The following ST6GALNAC3 variants were observed in gnomAD, a reference collection of about 807,000 sequenced individuals.
ST6GALNAC3 encodes the protein alpha-N-acetylgalactosaminide alpha-2,6-sialyltransferase 3.
ST6GALNAC3 carries 25 observed loss-of-function variants against 32.7 expected under a neutral mutation model. That is an observed-to-expected ratio of 0.76 (90% CI 0.56 to 1.07). The LOEUF (loss-of-function observed/expected upper bound fraction) is 1.07, where lower values mean the gene tolerates loss of function less well. ST6GALNAC3 is among the 50% of genes least tolerant of loss of function. The pLI, the probability that ST6GALNAC3 is intolerant of heterozygous loss-of-function variation, is 0.00. For missense variants in ST6GALNAC3, 355 were observed against 382.4 expected (o/e 0.93, Z 0.60); for synonymous variants, 129 against 133.1 (o/e 0.97, Z 0.21).
At chr1:76,317,251 C>G (rs1171139495) in intron 2 of ST6GALNAC3, among the ~76,000 whole-genome samples, 1 of 152,140 alleles carries the variant, frequency 6.6e-6, no homozygotes, top group Non-Finnish European at 1.5e-5. Context: ...GTGCCATGCT[C>G]TTACTCCCAA....
intron 1 of ST6GALNAC3, among the ~76,000 whole-genome samples, chr1:76,231,247 G>T (rs1399162515): frequency 6.6e-6 from 1 of 152,102 alleles, no homozygotes; most frequent in Non-Finnish European, 1.5e-5. Context: ...ATGGCTACAG[G>T]CAAGACCCAA....
chr1:76,481,698 A>G (rs776480297), intron 3 of ST6GALNAC3, among the ~76,000 whole-genome samples: 91 of 152,198 alleles, frequency 6.0e-4, no homozygotes, highest in Admixed American at 3.2e-3. Flanking sequence ...GATTAAGGTT[A>G]AACAACAAGA....
At chr1:76,373,490 C>G (rs1273780289) in intron 2 of ST6GALNAC3, among the ~76,000 whole-genome samples, 2 of 152,162 alleles carry the variant, frequency 1.3e-5, no homozygotes, top group Non-Finnish European at 2.9e-5. Flanking sequence ...TTCCCAAGGA[C>G]AGAAGCTTCG....
chr1:76,460,615 C>T (rs1658216178), intron 3 of ST6GALNAC3, among the ~76,000 whole-genome samples: 1 of 152,122 alleles, frequency 6.6e-6, no homozygotes, highest in Non-Finnish European at 1.5e-5. Context: ...TGTGTGTTTC[C>T]AGGAGTCAGG....
chr1:76,373,052 C>T lies in ST6GALNAC3; in HGVS notation c.214-38956C>T, dbSNP rs144764744. 3.4e-3 allele frequency among the ~76,000 whole-genome samples: 524 copies of T among 152,280 alleles called. 1 individual carries two copies. Among genetic ancestry groups the T allele is most frequent in the African/African-American group, 0.012 (496 of 41,564 alleles). Reference sequence around the variant, plus strand: ...GCTCAAGTGATCCTCCTGCTTCAACCTCCCAAAGTGCTGGGATTATAGGCG... The same window carrying T: ...GCTCAAGTGATCCTCCTGCTTCAACTTCCCAAAGTGCTGGGATTATAGGCG... On this transcript the variant is annotated intron_variant, in intron 2 of 4. Transcript: ENST00000328299.
intron 2 of ST6GALNAC3, among the ~76,000 whole-genome samples, chr1:76,327,780 G>A (rs1647106341): frequency 6.6e-6 from 1 of 152,198 alleles, no homozygotes; most frequent in Admixed American, 6.5e-5. Flanking sequence ...AGTAGAAACA[G>A]GGTTTCACCA....
At chr1:76,243,775 T>C (rs957645590) in intron 1 of ST6GALNAC3, among the ~76,000 whole-genome samples, 8 of 152,218 alleles carry the variant, frequency 5.3e-5, no homozygotes, top group Non-Finnish European at 1.2e-4. Context: ...TGTGTGGTGT[T>C]ATTTCTGAGG....
intron 1 of ST6GALNAC3, among the ~76,000 whole-genome samples, chr1:76,201,739 G>A (rs184014426): frequency 9.9e-4 from 151 of 152,260 alleles, no homozygotes; most frequent in South Asian, 4.1e-3. Flanking sequence ...TGGAAAAGCC[G>A]GGGAGTGGAA....
intron 1 of ST6GALNAC3, among the ~76,000 whole-genome samples, chr1:76,138,864 T>C (rs978862600): frequency 5.9e-5 from 9 of 152,050 alleles, no homozygotes; most frequent in African/African-American, 1.9e-4. Flanking sequence ...CATTTTCCCC[T>C]TTTTTACCCC....
intron 2 of ST6GALNAC3, among the ~76,000 whole-genome samples, chr1:76,340,527 G>A (rs776788731): frequency 6.6e-6 from 1 of 152,176 alleles, no homozygotes; most frequent in South Asian, 2.1e-4. Flanking sequence ...CTCCTGCCTG[G>A]CCAGGGCCCA....
rs530541323 is a variant in ST6GALNAC3, at chr1:76,595,003, T to C, written c.624-32449T>C. Among the ~76,000 whole-genome samples the C allele has an allele frequency of 2.0e-5, 3 of 152,268 alleles. No homozygotes were observed. The South Asian group carries it at 6.2e-4, about 32-fold the overall frequency. ...ATTATTAACCAAAGTTCAAATTTCATTGAAATTGTCTTAGTTTTTCAAAAA... is the reference window on the plus strand; with the variant it reads ...ATTATTAACCAAAGTTCAAATTTCACTGAAATTGTCTTAGTTTTTCAAAAA... On this transcript the variant is annotated intron_variant, in intron 3 of 4. Coordinates refer to ENST00000328299, the MANE Select transcript of ST6GALNAC3 (RefSeq NM_152996.4).
At chr1:76,189,314 A>G (rs1490281176) in intron 1 of ST6GALNAC3, among the ~76,000 whole-genome samples, 1 of 152,186 alleles carries the variant, frequency 6.6e-6, no homozygotes, top group East Asian at 1.9e-4. Context: ...GGTTACCACC[A>G]CCACCCCTGT....
chr1:76,151,165 C>A (rs1002139766), intron 1 of ST6GALNAC3, among the ~76,000 whole-genome samples: 1 of 152,156 alleles, frequency 6.6e-6, no homozygotes, highest in African/African-American at 2.4e-5. Flanking sequence ...CAGGCCTCCC[C>A]TTCCTCCGCC....
intron 3 of ST6GALNAC3, among the ~76,000 whole-genome samples, chr1:76,423,384 A>G (rs1490875193): frequency 2.0e-5 from 3 of 152,024 alleles, no homozygotes; most frequent in Non-Finnish European, 2.9e-5. Flanking sequence ...AGAAAGGAAT[A>G]TTATGACCAA....
intron 1 of ST6GALNAC3, among the ~76,000 whole-genome samples, chr1:76,228,552 G>T (rs187618788): frequency 1.4e-3 from 215 of 152,166 alleles, no homozygotes; most frequent in Non-Finnish European, 2.5e-3. Flanking sequence ...TGTCTATTTT[G>T]TACTCTAGGT....
chr1:76,188,133 G>A (rs193121082), intron 1 of ST6GALNAC3, among the ~76,000 whole-genome samples: 120 of 152,312 alleles, frequency 7.9e-4, no homozygotes, highest in African/African-American at 2.9e-3. Context: ...GGAGGCCGAG[G>A]TGGGTGGATC....
intron 1 of ST6GALNAC3, among the ~76,000 whole-genome samples, chr1:76,276,048 G>C (rs1380095557): frequency 1.3e-5 from 2 of 152,126 alleles, no homozygotes; most frequent in Non-Finnish European, 2.9e-5. Flanking sequence ...TTCCAGTAGA[G>C]AGACACAATG....
intron 1 of ST6GALNAC3, among the ~76,000 whole-genome samples, chr1:76,258,661 T>C (rs369097578): frequency 2.0e-5 from 3 of 152,090 alleles, no homozygotes; most frequent in Non-Finnish European, 2.9e-5. Flanking sequence ...GTTCCTACTA[T>C]ATATAAGGGC....
Position 76,206,939 on chromosome 1 carries a change from G to A in ST6GALNAC3, c.19-106866G>A, listed in dbSNP as rs1267587431. ...TAGACAGACAATATATCATGGAGAG[G>A]TGTTTCCTTCCCTTGAGGACGCAAT... On this transcript the variant is annotated intron_variant, in intron 1 of 4. Coordinates refer to ENST00000328299, the MANE Select transcript of ST6GALNAC3 (RefSeq NM_152996.4). Among the ~76,000 whole-genome samples, 4 of 152,104 alleles carry A rather than the reference G, an allele frequency of 2.6e-5. No homozygotes were observed. In the South Asian group the frequency reaches 6.2e-4, roughly 24 times the overall value.
Sources: allele counts gnomAD v4.1 joint callset (sites outside exome capture counted in the v4.1 genomes callset), GRCh38; gene constraint gnomAD v4.1.1; transcripts MANE v1.5; gene names NCBI Gene and HGNC (gene_info 2026-07-23, HGNC 2026-07-21).